Variants in GRIP1 observed in about 807,000 individuals in gnomAD.
GRIP1 encodes glutamate receptor-interacting protein 1.
A neutral mutation model predicts 129.9 loss-of-function variants in GRIP1; 45 were observed. The observed-to-expected ratio is 0.35, with a 90% CI of 0.27 to 0.44. GRIP1 has a LOEUF of 0.44. GRIP1 is among the 20% of genes least tolerant of loss of function. The pLI, the probability that GRIP1 is intolerant of heterozygous loss-of-function variation, is 1.00. For synonymous variants in GRIP1, 530 were observed against 520.8 expected, an observed-to-expected ratio of 1.02 and a Z score of -0.24; for missense variants, 1,196 against 1,396.8, an observed-to-expected ratio of 0.86 and a Z score of 2.29.
chr12:66,736,572 C>T (rs944111234), intron 1 of GRIP1, among the ~76,000 whole-genome samples: 1 of 151,526 alleles, frequency 6.6e-6, no homozygotes, highest in Non-Finnish European at 1.5e-5. Flanking sequence ...TCCTCCTTGT[C>T]TTTATGTTCA....
chr12:66,350,209 T>C (rs1190519745), intron 24 of GRIP1, among the ~76,000 whole-genome samples: 3 of 151,628 alleles, frequency 2.0e-5, no homozygotes, highest in Non-Finnish European at 4.4e-5. Context: ...TTACATTTGG[T>C]TATTGTGGCC....
At chr12:66,363,094 C>CAT (rs1467396673) in intron 23 of GRIP1, among the ~76,000 whole-genome samples, 3 of 148,628 alleles carry the variant, frequency 2.0e-5, no homozygotes, top group African/African-American at 7.6e-5. Context: ...TATCACATAT[C>CAT]ATATATATAT....
At chr12:66,635,984 GC>G (rs2031323862) in intron 1 of GRIP1, among the ~76,000 whole-genome samples, 1 of 152,124 alleles carries the variant, frequency 6.6e-6, no homozygotes, top group South Asian at 2.1e-4. Context: ...CTTCACAACA[GC>G]CCGATGGTGG....
At chr12:66,490,796 C>A (rs1482106515) in intron 7 of GRIP1, among the ~76,000 whole-genome samples, 2 of 151,930 alleles carry the variant, frequency 1.3e-5, no homozygotes, top group African/African-American at 4.8e-5. Flanking sequence ...AAAAAGTGGG[C>A]AAAGGACATG....
chr12:66,971,411 A>C (rs1332286847), intron 1 of GRIP1, among the ~76,000 whole-genome samples: 2 of 152,210 alleles, frequency 1.3e-5, no homozygotes, highest in Non-Finnish European at 2.9e-5. Context: ...GTTTGCTTAG[A>C]AAAGTATTTA....
chr12:66,803,889 T>G lies in GRIP1; in HGVS notation c.-420+164A>C, dbSNP rs879265796. 5.1e-3 allele frequency: 1,580 copies of G among 308,754 alleles called. 8 individuals are homozygous for G. Among genetic ancestry groups the G allele is most frequent in the Non-Finnish European group, 6.3e-3 (964 of 151,966 alleles). The allele number at this position is 308,754 out of a possible 1,614,324, so 19.1% of individuals were successfully genotyped here. ...TCTAGATGCTATTATCTAATGGCTG[T>G]TCTTGCAACAAATCAAGCAAAACAT... On this transcript the variant is annotated intron_variant, in intron 1 of 4. Transcript: ENST00000538373.
chr12:66,805,775 A>C (rs2038977788), upstream of GRIP1, among the ~76,000 whole-genome samples: 1 of 152,210 alleles, frequency 6.6e-6, no homozygotes, highest in South Asian at 2.1e-4. Context: ...AGCCAAGAAC[A>C]TATCACATCT....
chr12:66,550,526 G>A (rs534746804), intron 2 of GRIP1, among the ~76,000 whole-genome samples: 6 of 152,270 alleles, frequency 3.9e-5, no homozygotes, highest in Admixed American at 6.5e-5. Flanking sequence ...AGCAGTGAAC[G>A]CTTGTCCCAG....
chr12:66,577,253 G>A (rs920564247), intron 2 of GRIP1, among the ~76,000 whole-genome samples: 4 of 152,084 alleles, frequency 2.6e-5, no homozygotes, highest in East Asian at 1.9e-4. Flanking sequence ...AGTGGGTAGC[G>A]GTTCAAGATA....
intron 1 of GRIP1, among the ~76,000 whole-genome samples, chr12:66,736,346 ATTTTTTTTTTTTTTTTTTTTTTTTTTTT>A (rs547706592): frequency 0.27 from 18,331 of 67,060 alleles, 1,900 homozygotes; most frequent in Non-Finnish European, 0.28. Context: ...TGCCTGGCTA[ATTTTTTTTTTTTTTTTTTTTTTTTTTTT>A]TTTTTTTTTT....
chr12:66,555,996 G>T (rs572531738), intron 2 of GRIP1, among the ~76,000 whole-genome samples: 1 of 152,054 alleles, frequency 6.6e-6, no homozygotes, highest in East Asian at 1.9e-4. Flanking sequence ...GGGATGTAGA[G>T]ACAGATATTA....
At chr12:66,926,789 G>A (rs1254435269) in intron 1 of GRIP1, among the ~76,000 whole-genome samples, 1 of 152,126 alleles carries the variant, frequency 6.6e-6, no homozygotes, top group Non-Finnish European at 1.5e-5. Context: ...ATTTCACTAG[G>A]CCACATTTTT....
chr12:66,858,989 A>T (rs911049153), intron 1 of GRIP1, among the ~76,000 whole-genome samples: 6 of 151,978 alleles, frequency 3.9e-5, no homozygotes, highest in African/African-American at 1.4e-4. Context: ...CACTATACCC[A>T]TCATGACTAG....
intron 1 of GRIP1, among the ~76,000 whole-genome samples, chr12:66,606,579 G>A (rs2064541285): frequency 6.6e-6 from 1 of 152,096 alleles, no homozygotes; most frequent in African/African-American, 2.4e-5. Flanking sequence ...TCCTTTATAT[G>A]TATAATCTTA....
chr12:67,059,736 C>T (rs1415608088), intron 1 of GRIP1, among the ~76,000 whole-genome samples: 4 of 152,200 alleles, frequency 2.6e-5, no homozygotes, highest in East Asian at 1.9e-4. Flanking sequence ...CACACATACA[C>T]ACACGCCCAT....
chr12:66,632,788 T>G (rs1033208253), intron 1 of GRIP1, among the ~76,000 whole-genome samples: 3 of 152,174 alleles, frequency 2.0e-5, no homozygotes, highest in African/African-American at 7.2e-5. Flanking sequence ...GAATCCAAGT[T>G]TTAAAACCAC....
chr12:66,373,521 G>A (rs1008404458), intron 22 of GRIP1, among the ~76,000 whole-genome samples: 1 of 152,204 alleles, frequency 6.6e-6, no homozygotes, highest in Non-Finnish European at 1.5e-5. Context: ...AGTGAGTAGA[G>A]TTTTCATCTG....
At chr12:66,996,188 G>C (rs1158778463) in intron 1 of GRIP1, among the ~76,000 whole-genome samples, 1 of 151,896 alleles carries the variant, frequency 6.6e-6, no homozygotes, top group Non-Finnish European at 1.5e-5. Flanking sequence ...TGGATACAAG[G>C]TTTTCTTTTT....
intron 1 of GRIP1, among the ~76,000 whole-genome samples, chr12:67,004,520 T>C (rs185300442): frequency 1.4e-4 from 22 of 152,086 alleles, no homozygotes; most frequent in Non-Finnish European, 2.5e-4. Flanking sequence ...AGGAAAGAGA[T>C]AGAGTTCCAT....
Sources: gnomAD v4.1 joint callset for allele counts (sites outside exome capture counted in the v4.1 genomes callset) on GRCh38, gnomAD v4.1.1 for gene constraint, MANE v1.5 for transcripts, NCBI Gene and HGNC (gene_info 2026-07-23, HGNC 2026-07-21) for gene names.